MAF: variants seen among roughly 807,000 people sequenced by gnomAD.
The protein encoded by MAF is transcription factor Maf.
MAF carries 10 observed loss-of-function variants against 22.0 expected under a neutral mutation model. That is an observed-to-expected ratio of 0.45 (90% confidence interval 0.28 to 0.77). The LOEUF (loss-of-function observed/expected upper bound fraction) is 0.77, where lower values mean the gene tolerates loss of function less well. MAF is among the 30% of genes least tolerant of loss of function. MAF has a pLI of 0.12. For synonymous variants in MAF, 337 were observed against 255.8 expected (o/e 1.32, Z -3.03); for missense variants, 544 against 548.4 (o/e 0.99, Z 0.08).
the MAF span, among the ~76,000 whole-genome samples, chr16:79,255,965 C>CTTTTTTTTTTTTTTT: frequency 7.3e-6 from 1 of 137,910 alleles, no homozygotes; most frequent in Non-Finnish European, 1.6e-5. Flanking sequence ...CTTTTCTTTT[C>CTTTTTTTTTTTTTTT]TTTTTTCTTT....
At chr16:79,441,340 A>G in the MAF span, among the ~76,000 whole-genome samples, 1 of 152,232 alleles carries the variant, frequency 6.6e-6, no homozygotes, top group East Asian at 1.9e-4. Flanking sequence ...ACACTTAAAA[A>G]TGGGGAAAGA....
the MAF span, among the ~76,000 whole-genome samples, chr16:79,420,965 C>T: frequency 7.9e-5 from 12 of 151,276 alleles, no homozygotes; most frequent in Non-Finnish European, 1.6e-4. Flanking sequence ...ACCCGGGAGG[C>T]GGAGGTTGCA....
the MAF span, among the ~76,000 whole-genome samples, chr16:79,569,494 A>C: frequency 9.2e-5 from 14 of 152,326 alleles, no homozygotes; most frequent in East Asian, 2.5e-3. Flanking sequence ...TCAAGTGCTC[A>C]AATGTGGTCC....
chr16:79,238,512 A>C, the MAF span, among the ~76,000 whole-genome samples: 10 of 151,922 alleles, frequency 6.6e-5, no homozygotes, highest in African/African-American at 1.9e-4. Context: ...CATAACACTC[A>C]CTTAGTGCTG....
At chr16:79,556,453 C>T in the MAF span, among the ~76,000 whole-genome samples, 33 of 152,264 alleles carry the variant, frequency 2.2e-4, no homozygotes, top group African/African-American at 7.9e-4. Context: ...TTTCACGGTC[C>T]CTGGCCATTG....
At chr16:79,274,664 A>G in the MAF span, among the ~76,000 whole-genome samples, 1,599 of 152,232 alleles carry the variant, frequency 0.011, 38 homozygotes, top group African/African-American at 0.036. Context: ...GATGGGGTTC[A>G]GGGGGTTGAG....
the MAF span, among the ~76,000 whole-genome samples, chr16:79,542,714 A>G: frequency 6.6e-6 from 1 of 152,142 alleles, no homozygotes; most frequent in Non-Finnish European, 1.5e-5. Context: ...GGTTTCCTGG[A>G]CTGGGAGGGG....
At chr16:79,273,356 TTGCTGCCATGTGAACCTA>T in the MAF span, among the ~76,000 whole-genome samples, 1 of 152,224 alleles carries the variant, frequency 6.6e-6, no homozygotes, top group Admixed American at 6.5e-5. Flanking sequence ...AGACTTTTCA[TTGCTGCCATGTGAACCTA>T]TGCTCCCTTT....
chr16:79,495,361 G>A, the MAF span, among the ~76,000 whole-genome samples: 3 of 152,116 alleles, frequency 2.0e-5, no homozygotes, highest in East Asian at 5.8e-4. Context: ...TACTCAGGAA[G>A]CTGAGGTAGG....
At chr16:79,217,886 T>C in the MAF span, among the ~76,000 whole-genome samples, 1 of 148,394 alleles carries the variant, frequency 6.7e-6, no homozygotes, top group Non-Finnish European at 1.5e-5. Context: ...GAAGGAGGCC[T>C]GATGACGTTC....
the MAF span, among the ~76,000 whole-genome samples, chr16:79,247,462 C>A: frequency 6.6e-6 from 1 of 152,198 alleles, no homozygotes; most frequent in Non-Finnish European, 1.5e-5. Context: ...CACCAGCTCA[C>A]CCAGTTGAAT....
At chr16:79,438,935 A>G in the MAF span, among the ~76,000 whole-genome samples, 4 of 152,158 alleles carry the variant, frequency 2.6e-5, no homozygotes, top group Non-Finnish European at 4.4e-5. Context: ...TGTCCTCATC[A>G]TGTGAGAGAC....
chr16:79,330,721 T>C, the MAF span, among the ~76,000 whole-genome samples: 1 of 152,222 alleles, frequency 6.6e-6, no homozygotes, highest in African/African-American at 2.4e-5. Flanking sequence ...GCTTACAAAT[T>C]TGAGGCATGA....
chr16:79,298,551 C>G, the MAF span, among the ~76,000 whole-genome samples: 1 of 152,172 alleles, frequency 6.6e-6, no homozygotes, highest in Non-Finnish European at 1.5e-5. Flanking sequence ...GTGCCAATCA[C>G]GGGCCTCTCT....
the MAF span, among the ~76,000 whole-genome samples, chr16:79,269,043 C>A: frequency 6.6e-6 from 1 of 152,148 alleles, no homozygotes; most frequent in East Asian, 1.9e-4. Context: ...ATCTTTCTAC[C>A]TTTTCTTGGC....
chr16:79,457,210 T>C, the MAF span, among the ~76,000 whole-genome samples: 1 of 152,186 alleles, frequency 6.6e-6, no homozygotes, highest in East Asian at 1.9e-4. Context: ...GTATTTTCCA[T>C]GCAACAGGTG....
chr16:79,280,917 T>C, the MAF span, among the ~76,000 whole-genome samples: 3 of 152,196 alleles, frequency 2.0e-5, no homozygotes, highest in African/African-American at 7.2e-5. Context: ...CCCTCTTCCT[T>C]GATCCATTGT....
chr16:79,505,095 A>G, the MAF span, among the ~76,000 whole-genome samples: 2 of 152,214 alleles, frequency 1.3e-5, no homozygotes, highest in Non-Finnish European at 2.9e-5. Flanking sequence ...TCAAACACAG[A>G]TCTTACCTAC....
chr16:79,316,585 A>G, the MAF span, among the ~76,000 whole-genome samples: 1 of 152,146 alleles, frequency 6.6e-6, no homozygotes, highest in Non-Finnish European at 1.5e-5. Flanking sequence ...AGATCACTGG[A>G]AGGTGCCACC....
Sources: allele counts gnomAD v4.1 joint callset (sites outside exome capture counted in the v4.1 genomes callset), GRCh38; gene constraint gnomAD v4.1.1; transcripts MANE v1.5; gene names NCBI Gene and HGNC (gene_info 2026-07-23, HGNC 2026-07-21).